Variants in PTPRD observed in about 807,000 individuals in gnomAD.
PTPRD encodes the protein protein tyrosine phosphatase receptor type D, also known as receptor-type tyrosine-protein phosphatase delta.
A neutral mutation model predicts 214.5 loss-of-function variants in PTPRD; 34 were observed. That is an observed-to-expected ratio of 0.16 (90% CI 0.12 to 0.21). The LOEUF is 0.21. Ranked by LOEUF, PTPRD falls within the 10% of genes least tolerant of loss-of-function variation. PTPRD has a pLI of 1.00. For missense variants in PTPRD, 2,545 were observed against 2,398.7 expected (o/e 1.06, Z -1.27); for synonymous variants, 1,128 against 845.7 (o/e 1.33, Z -5.79).
chr9:8,739,162 C>G (rs1026334594), intron 11 of PTPRD, among the ~76,000 whole-genome samples: 1 of 152,206 alleles, frequency 6.6e-6, no homozygotes, highest in Non-Finnish European at 1.5e-5. Flanking sequence ...GGCCTGGAGC[C>G]TACAGCAAAC....
rs2135940660 is a variant in PTPRD at position 8,486,031 on chromosome 9, C to T, written c.2786G>A (p.Gly929Asp). The T allele has an allele frequency of 6.2e-7, 1 of 1,614,084 alleles. No individual in the cohort carries two copies. Among genetic ancestry groups the T allele is most frequent in the Non-Finnish European group, 8.5e-7 (1 of 1,180,012 alleles). Reference protein sequence around the residue: ...TGFPQNLHSEGTTSTSVQLSW... With the variant: ...TGFPQNLHSEDTTSTSVQLSW... ...TAACTGGACGGAGGTTGAAGTGGTG[C>T]CTTCTGAGTGAAGGTTTTGAGGGAA... Residue 929 changes from glycine (G) to aspartate (D), a missense_variant, in exon 28 of 46, where the codon GGC (glycine) becomes GAC (aspartate). By Grantham distance (94) the Gly-to-Asp change is moderately conservative. Coordinates refer to ENST00000381196, the MANE Select transcript of PTPRD (RefSeq NM_002839.4).
Position 10,080,295 on chromosome 9 carries a change from A to G in PTPRD, c.-544-46505T>C, listed in dbSNP as rs149090054. Among the ~76,000 whole-genome samples, 23 of 152,248 alleles carry G rather than the reference A, an allele frequency of 1.5e-4. No individual in the cohort carries two copies. In the East Asian group the frequency reaches 4.1e-3, roughly 27 times the overall value. On this transcript the variant is annotated intron_variant, in intron 3 of 45. Transcript: ENST00000381196. ...GCAGGCAAACCCAAAATAGAAATAG[A>G]AATAATGACAATTTCACCAGAGGAC...
intron 2 of PTPRD, among the ~76,000 whole-genome samples, chr9:10,354,757 A>G (rs553793975): frequency 3.3e-5 from 5 of 152,222 alleles, no homozygotes; most frequent in African/African-American, 9.6e-5. Context: ...TGTCACTTCC[A>G]TCTTCATGTC....
chr9:8,975,189 G>T (rs1789662160), intron 11 of PTPRD, among the ~76,000 whole-genome samples: 1 of 151,130 alleles, frequency 6.6e-6, no homozygotes, highest in African/African-American at 2.4e-5. Context: ...ATATATTCTT[G>T]TGTGTAAATA....
At chr9:9,708,029 G>A (rs183423613) in intron 7 of PTPRD, among the ~76,000 whole-genome samples, 2 of 151,938 alleles carry the variant, frequency 1.3e-5, no homozygotes, top group East Asian at 3.9e-4. Context: ...AGCTTATAAA[G>A]ACTTGCTGTA....
chr9:8,959,282 A>G (rs981318364), intron 11 of PTPRD, among the ~76,000 whole-genome samples: 1 of 152,046 alleles, frequency 6.6e-6, no homozygotes, highest in Non-Finnish European at 1.5e-5. Context: ...CTATGGAAAC[A>G]TAATGGGGAA....
chr9:8,502,835 T>G (rs1020358302), intron 23 of PTPRD, among the ~76,000 whole-genome samples: 2 of 133,270 alleles, frequency 1.5e-5, no homozygotes, highest in South Asian at 4.6e-4. Flanking sequence ...CTATTCAATA[T>G]GTATGTGTGT....
intron 3 of PTPRD, among the ~76,000 whole-genome samples, chr9:10,247,766 G>C (rs914949463): frequency 4.6e-5 from 7 of 152,174 alleles, no homozygotes; most frequent in African/African-American, 9.7e-5. Context: ...AGGGAGATAA[G>C]AGGATTATGT....
At chr9:10,254,547 C>A (rs1051288480) in intron 3 of PTPRD, among the ~76,000 whole-genome samples, 1 of 151,900 alleles carries the variant, frequency 6.6e-6, no homozygotes, top group African/African-American at 2.4e-5. Flanking sequence ...ACGATTTAGC[C>A]CCATCAGCTA....
intron 14 of PTPRD, among the ~76,000 whole-genome samples, chr9:8,592,570 T>G (rs1186482369): frequency 6.6e-6 from 1 of 152,212 alleles, no homozygotes; most frequent in Non-Finnish European, 1.5e-5. Context: ...CTTGAGATAC[T>G]GACTGTCCTG....
chr9:10,194,885 A>G (rs2099391228), intron 3 of PTPRD, among the ~76,000 whole-genome samples: 1 of 151,950 alleles, frequency 6.6e-6, no homozygotes, highest in Admixed American at 6.6e-5. Context: ...TATATTAGTT[A>G]GACTTAAGTT....
At chr9:10,271,554 T>C (rs147358441) in intron 3 of PTPRD, among the ~76,000 whole-genome samples, 2,360 of 148,240 alleles carry the variant, frequency 0.016, 77 homozygotes, top group African/African-American at 0.053. Context: ...CTTTTCTTTT[T>C]TTTTTTGAGA....
chr9:9,402,005 G>A (rs553156741), intron 8 of PTPRD, among the ~76,000 whole-genome samples: 1 of 152,066 alleles, frequency 6.6e-6, no homozygotes, highest in Admixed American at 6.6e-5. Context: ...TTATAACAGT[G>A]TGAGAATGGA....
intron 7 of PTPRD, among the ~76,000 whole-genome samples, chr9:9,653,605 A>G (rs1791512951): frequency 6.6e-6 from 1 of 151,526 alleles, no homozygotes; most frequent in Non-Finnish European, 1.5e-5. Flanking sequence ...TTGTGGTTAG[A>G]AACATTACTG....
At chr9:9,956,570 G>A (rs1442165128) in intron 4 of PTPRD, among the ~76,000 whole-genome samples, 1 of 152,060 alleles carries the variant, frequency 6.6e-6, no homozygotes, top group Non-Finnish European at 1.5e-5. Context: ...GTTTTGTTAT[G>A]TGGTTTATCA....
chr9:8,453,407 A>G (rs1547627), intron 33 of PTPRD, among the ~76,000 whole-genome samples: 107,031 of 151,456 alleles, frequency 0.71, 37,909 homozygotes, highest in East Asian at 0.87. Flanking sequence ...CTTGTGATCC[A>G]CCCGCCTCAG....
intron 5 of PTPRD, among the ~76,000 whole-genome samples, chr9:9,928,093 G>A (rs10739204): frequency 0.34 from 51,061 of 151,902 alleles, 9,033 homozygotes; most frequent in East Asian, 0.63. Flanking sequence ...ACTTTGAAAA[G>A]TATTGTAGTG....
At chr9:10,465,133 A>G (rs753640513) in intron 2 of PTPRD, among the ~76,000 whole-genome samples, 9 of 152,168 alleles carry the variant, frequency 5.9e-5, no homozygotes, top group Non-Finnish European at 1.0e-4. Flanking sequence ...TCCCACTAAT[A>G]ACAATAAAGA....
At chr9:10,487,513 T>C (rs1411365594) in intron 2 of PTPRD, among the ~76,000 whole-genome samples, 1 of 152,206 alleles carries the variant, frequency 6.6e-6, no homozygotes. Flanking sequence ...TACTATCTTA[T>C]AATATCTTAT....
Sources: allele counts gnomAD v4.1 joint callset (sites outside exome capture counted in the v4.1 genomes callset), GRCh38; gene constraint gnomAD v4.1.1; transcripts MANE v1.5; gene names NCBI Gene and HGNC (gene_info 2026-07-23, HGNC 2026-07-21).